Variants in TRIP12 observed in about 807,000 individuals in gnomAD.
TRIP12 encodes E3 ubiquitin-protein ligase TRIP12.
In TRIP12, 25 loss-of-function variants were observed where a neutral mutation model predicts 244.2. The observed-to-expected ratio is 0.10, with a 90% confidence interval of 0.07 to 0.14. TRIP12 has a LOEUF of 0.14. Ranked by LOEUF, TRIP12 falls within the 10% of genes least tolerant of loss-of-function variation. TRIP12 has a pLI of 1.00. For missense variants in TRIP12, 1,677 were observed against 2,486.4 expected, an observed-to-expected ratio of 0.67 and a Z score of 6.92; for synonymous variants, 905 against 873.1, an observed-to-expected ratio of 1.04 and a Z score of -0.64.
chr2:229,917,236 C>T (rs1267527581), intron 1 of TRIP12, among the ~76,000 whole-genome samples: 1 of 151,712 alleles, frequency 6.6e-6, no homozygotes, highest in Non-Finnish European at 1.5e-5. Context: ...AAAAAATTAG[C>T]TGGGCGTGGT....
At chr2:229,815,501 C>G (rs868614646) in intron 9 of TRIP12, among the ~76,000 whole-genome samples, 193 bp from the exon 10 acceptor site, 1 of 150,578 alleles carries the variant, frequency 6.6e-6, no homozygotes. Context: ...TCATCACACA[C>G]GGTGACTCCG....
At position 229,900,973 on chromosome 2, in the gene TRIP12, G is replaced by A. The variant is rs530860956; in HGVS notation, c.-49-20845C>T. ...TTTTGAGACAGAGTCTTGCTCTATC[G>A]GCCATGCTGGAGTGCAGCGACGCAA... On this transcript the variant is annotated intron_variant, in intron 1 of 41. Coordinates refer to ENST00000675903, the MANE Select transcript of TRIP12 (RefSeq NM_001348323.3). 5 of 147,208 alleles carry A rather than the reference G, an allele frequency of 3.4e-5. 1 individual carries two copies. Among genetic ancestry groups the A allele is most frequent in the Middle Eastern group, 3.5e-3 (1 of 284 alleles). The allele number at this position is 147,208 out of a possible 1,614,324, so 9.1% of individuals were successfully genotyped here.
chr2:229,843,067 C>A (rs1290052914), intron 4 of TRIP12, among the ~76,000 whole-genome samples: 7 of 141,574 alleles, frequency 4.9e-5, no homozygotes, highest in African/African-American at 1.6e-4. Flanking sequence ...TCTCTCTCCC[C>A]CACTCCTTCC....
intron 23 of TRIP12, among the ~76,000 whole-genome samples, chr2:229,798,231 G>A (rs80096509): frequency 0.013 from 1,918 of 152,264 alleles, 30 homozygotes; most frequent in Non-Finnish European, 0.017. Context: ...GATGTAATAA[G>A]CTATGGCAAA....
intron 1 of TRIP12, among the ~76,000 whole-genome samples, chr2:229,890,166 G>A (rs62190447): frequency 0.02 from 2,994 of 147,734 alleles, 37 homozygotes; most frequent in Non-Finnish European, 0.03. Flanking sequence ...TGCAACCTCC[G>A]CCTCCCAGGT....
chr2:229,890,340 T>C (rs1418446841), intron 1 of TRIP12, among the ~76,000 whole-genome samples: 3 of 152,074 alleles, frequency 2.0e-5, no homozygotes, highest in Admixed American at 2.0e-4. Context: ...TCGGCCTCCA[T>C]CCACCTGCCT....
At chr2:229,864,214 A>C (rs1301940948) in intron 2 of TRIP12, among the ~76,000 whole-genome samples, 1 of 152,226 alleles carries the variant, frequency 6.6e-6, no homozygotes, top group African/African-American at 2.4e-5. Context: ...AGATGGGCCC[A>C]GAGCACACAA....
At chr2:229,897,037 G>C (rs1484432604) in intron 1 of TRIP12, among the ~76,000 whole-genome samples, 4 of 152,172 alleles carry the variant, frequency 2.6e-5, no homozygotes, top group Non-Finnish European at 2.9e-5. Flanking sequence ...GGGGGATGTT[G>C]ATCACAGGAA....
Position 229,805,230 on chromosome 2 carries a change from A to ACAACAACAG in TRIP12, c.2650+499_2650+500insCTGTTGTTG, listed in dbSNP as rs1368072861. Among the ~76,000 whole-genome samples the ACAACAACAG allele has an allele frequency of 3.3e-5, 5 of 151,938 alleles. No homozygotes were observed. The East Asian group carries it at 5.8e-4, about 18-fold the overall frequency. ...CTACCTGGCCCTTTTCAAAACAACA[A>ACAACAACAG]CAACAACAACAACAACAAAAATATT... is the stretch of plus-strand genomic sequence containing the variant. On this transcript the variant is annotated intron_variant, in intron 18 of 41. Coordinates refer to ENST00000675903, the MANE Select transcript of TRIP12 (RefSeq NM_001348323.3).
At chr2:229,908,635 A>G (rs1220358332) in intron 1 of TRIP12, among the ~76,000 whole-genome samples, 1 of 152,004 alleles carries the variant, frequency 6.6e-6, no homozygotes, top group Non-Finnish European at 1.5e-5. Flanking sequence ...GGAGAGGCTG[A>G]GGCAGGAGAA....
At chr2:229,875,753 T>C (rs2063467765) in intron 2 of TRIP12, among the ~76,000 whole-genome samples, 2 of 152,338 alleles carry the variant, frequency 1.3e-5, no homozygotes, top group South Asian at 4.1e-4. Context: ...TGAATCACTG[T>C]ATCACTGTGA....
chr2:229,821,767 G>A (rs894187556), intron 8 of TRIP12, among the ~76,000 whole-genome samples: 1 of 152,156 alleles, frequency 6.6e-6, no homozygotes, highest in Non-Finnish European at 1.5e-5. Flanking sequence ...GAAGCCTATA[G>A]TGCTTTAGGG....
chr2:229,878,419 C>T (rs960170636), intron 2 of TRIP12, among the ~76,000 whole-genome samples: 1 of 150,268 alleles, frequency 6.7e-6, no homozygotes, highest in African/African-American at 2.4e-5. Context: ...CGCTGCACTC[C>T]AGCCTGGGCG....
At chr2:229,883,642 T>C (rs1432258485) in intron 1 of TRIP12, among the ~76,000 whole-genome samples, 1 of 152,216 alleles carries the variant, frequency 6.6e-6, no homozygotes. Context: ...ACCTTTGATA[T>C]TCAGTCCTAA....
chr2:229,807,911 GT>G (rs1275680471), intron 16 of TRIP12, 47 bp from the exon 17 acceptor site: 1 of 1,546,678 alleles, frequency 6.5e-7, no homozygotes, highest in Non-Finnish European at 8.8e-7. Context: ...TGAAATATTA[GT>G]AAACGTTAGG....
At chr2:229,906,363 T>A (rs950145492) in intron 1 of TRIP12, among the ~76,000 whole-genome samples, 11 of 151,080 alleles carry the variant, frequency 7.3e-5, no homozygotes, top group Admixed American at 7.3e-4. Flanking sequence ...TGAATCTTTC[T>A]TCATCAGGTT....
intron 9 of TRIP12, 125 bp downstream of exon 9, chr2:229,818,239 A>T (rs1559614061): frequency 4.8e-6 from 5 of 1,049,726 alleles, no homozygotes; most frequent in Non-Finnish European, 5.5e-6. Context: ...ACCAAGTCAT[A>T]TACTCCTCTC....
At position 229,829,194 on chromosome 2, in the gene TRIP12, A is replaced by C. The variant is rs151136417; in HGVS notation, c.1449T>G (p.Ala483=). The change falls in exon 8 of 42, where the codon GCT becomes GCG. Residue 483 remains alanine (A), a splice_region_variant and synonymous_variant. Transcript: ENST00000675903. ...CAGGGAAGGAACATTTTTACTTACT[A>C]GCTCCACTTCCAATTGTTCTATGGA... ...QLFHRTIGSG[A]SSKAQQLLQG... The C allele has an allele frequency of 2.4e-5, 39 of 1,613,524 alleles. No individual in the cohort carries two copies. The highest frequency in any genetic ancestry group is 3.2e-5 in the Non-Finnish European group (38 of 1,179,772).
chr2:229,880,758 A>C (rs1041092439), intron 1 of TRIP12, among the ~76,000 whole-genome samples: 1 of 152,190 alleles, frequency 6.6e-6, no homozygotes, highest in East Asian at 1.9e-4. Context: ...AGCCTGGTCA[A>C]TATGATGAAA....
Sources: gnomAD v4.1 joint callset for allele counts (sites outside exome capture counted in the v4.1 genomes callset) on GRCh38, gnomAD v4.1.1 for gene constraint, MANE v1.5 for transcripts, NCBI Gene and HGNC (gene_info 2026-07-23, HGNC 2026-07-21) for gene names.